The following COL14A1 variants were observed in gnomAD, a reference collection of about 807,000 sequenced individuals.
COL14A1 encodes collagen alpha-1(XIV) chain.
A neutral mutation model predicts 230.3 loss-of-function variants in COL14A1; 136 were observed. The observed-to-expected ratio is 0.59, with a 90% CI of 0.51 to 0.68. The LOEUF (loss-of-function observed/expected upper bound fraction) is 0.68, where lower values mean the gene tolerates loss of function less well. Among genes scored for constraint, COL14A1 ranks in the 30% least tolerant of loss-of-function variants. The pLI is 0.00. For missense variants in COL14A1, 1,976 were observed against 2,215.8 expected (o/e 0.89, Z 2.17); for synonymous variants, 792 against 784.1 (o/e 1.01, Z -0.17).
chr8:120,320,427 C>T (rs1821397753), intron 40 of COL14A1, among the ~76,000 whole-genome samples: 1 of 152,186 alleles, frequency 6.6e-6, no homozygotes, highest in African/African-American at 2.4e-5. Context: ...ACACCAGAAG[C>T]ATGCTTCTAG....
chr8:120,210,441 G>GT (rs1817585591), intron 12 of COL14A1, among the ~76,000 whole-genome samples: 1 of 152,174 alleles, frequency 6.6e-6, no homozygotes. Context: ...AATGTTATAT[G>GT]TTTTGCTTTA....
chr8:120,279,929 C>T lies in COL14A1; in HGVS notation c.3482-6C>T. 1 of 1,612,716 alleles carries T rather than the reference C, an allele frequency of 6.2e-7. No individual in the cohort carries two copies. The highest frequency in any genetic ancestry group is 8.5e-7 in the Non-Finnish European group (1 of 1,179,228). On this transcript the variant is annotated splice_region_variant and splice_polypyrimidine_tract_variant and intron_variant, in intron 28 of 47. Coordinates refer to ENST00000297848, the MANE Select transcript of COL14A1 (RefSeq NM_021110.4). The stretch of plus-strand genomic sequence containing the variant: ...TAATCGGAAATCTGTTCTCTGTCTG[C>T]CACAGGCTATAGCATTTTTGCAATT...
chr8:120,168,506 T>G (rs549769031), intron 5 of COL14A1, among the ~76,000 whole-genome samples: 3 of 152,220 alleles, frequency 2.0e-5, no homozygotes, highest in Non-Finnish European at 4.4e-5. Context: ...GCATACCTTT[T>G]CACTTGGAAA....
chr8:120,310,024 C>T lies in COL14A1; in HGVS notation c.4417C>T (p.Arg1473Ter). 4.3e-6 allele frequency: 7 copies of T among 1,613,732 alleles called. No homozygotes were observed. The highest frequency in any genetic ancestry group is 2.7e-5 in the African/African-American group (2 of 74,982). Residue 1473 changes from arginine (R) to a stop codon, truncating the protein, a stop_gained, in exon 37 of 48, where the codon CGA (arginine) becomes TGA (stop). Transcript: ENST00000297848. LOFTEE classifies it high-confidence loss of function. ...PAGPPGGPGL[R>*]GPKGQQGEPG... is the part of the protein sequence containing the mutation. Reference sequence around the variant, plus strand: ...TGTTTGCCAGGGTGGTCCAGGACTCCGAGGACCAAAGGGCCAGCAAGGTGA... The same window carrying T: ...TGTTTGCCAGGGTGGTCCAGGACTCTGAGGACCAAAGGGCCAGCAAGGTGA...
At chr8:120,361,960 C>T (rs1231216279) in intron 45 of COL14A1, among the ~76,000 whole-genome samples, 2 of 152,156 alleles carry the variant, frequency 1.3e-5, no homozygotes, top group South Asian at 2.1e-4. Flanking sequence ...TTGCTCAGGG[C>T]ACACAGCAAG....
intron 47 of COL14A1, chr8:120,370,317 T>C: frequency 1.9e-6 from 3 of 1,609,140 alleles, no homozygotes; most frequent in Non-Finnish European, 2.5e-6. Flanking sequence ...TTCTCTCAAA[T>C]ACTCCTATCC....
intron 24 of COL14A1, among the ~76,000 whole-genome samples, chr8:120,263,854 C>T (rs1819421255): frequency 6.6e-6 from 1 of 152,044 alleles, no homozygotes; most frequent in Non-Finnish European, 1.5e-5. Context: ...ATGTAACCTT[C>T]AAAAAGAGAG....
chr8:120,322,471 T>G (rs1821485566), intron 40 of COL14A1, among the ~76,000 whole-genome samples: 1 of 152,212 alleles, frequency 6.6e-6, no homozygotes. Context: ...GTTGTACAGA[T>G]TATTTCATCA....
chr8:120,339,424 G>T (rs778420777), intron 42 of COL14A1, among the ~76,000 whole-genome samples: 2 of 152,190 alleles, frequency 1.3e-5, no homozygotes, highest in African/African-American at 2.4e-5. Flanking sequence ...CTCTGTAGAG[G>T]TTGGAATCCT....
intron 1 of COL14A1, among the ~76,000 whole-genome samples, chr8:120,142,262 A>T (rs1018951424): frequency 1.3e-5 from 2 of 152,118 alleles, no homozygotes; most frequent in Non-Finnish European, 2.9e-5. Context: ...TGACTGGCAG[A>T]TTTACTGAAT....
In COL14A1 at chr8:120,281,077, G is replaced by T; in HGVS notation, c.3824+18G>T. On this transcript the variant is annotated intron_variant, in intron 31 of 47. Transcript: ENST00000297848. ...CCAACCAGGTATGTTTCTGTTGAAA[G>T]ATTTTAAAGTCATCGTATGTTTATT... 3.8e-6 allele frequency: 6 copies of T among 1,594,742 alleles called. No homozygotes were observed. The highest frequency in any genetic ancestry group is 4.3e-6 in the Non-Finnish European group (5 of 1,173,162).
At chr8:120,183,151 TGGG>T (rs1216739240) in intron 5 of COL14A1, among the ~76,000 whole-genome samples, 1 of 151,992 alleles carries the variant, frequency 6.6e-6, no homozygotes, top group Non-Finnish European at 1.5e-5. Context: ...TTACAGGAGA[TGGG>T]GGAATAAAAA....
intron 1 of COL14A1, among the ~76,000 whole-genome samples, chr8:120,136,230 A>G (rs914836964): frequency 2.0e-5 from 3 of 152,162 alleles, no homozygotes; most frequent in Non-Finnish European, 4.4e-5. Context: ...GTGTGATACT[A>G]GCTATGGAGT....
At chr8:120,356,755 T>C (rs1823002930) in intron 45 of COL14A1, among the ~76,000 whole-genome samples, 1 of 152,084 alleles carries the variant, frequency 6.6e-6, no homozygotes, top group African/African-American at 2.4e-5. Flanking sequence ...CTGAAATACA[T>C]GTTGCCTTCT....
intron 45 of COL14A1, among the ~76,000 whole-genome samples, chr8:120,361,490 T>C (rs1481988124): frequency 6.6e-6 from 1 of 152,126 alleles, no homozygotes; most frequent in Admixed American, 6.5e-5. Context: ...TTAACTCCAA[T>C]TAATCTGCCT....
intron 19 of COL14A1, among the ~76,000 whole-genome samples, chr8:120,233,834 G>GT: frequency 6.6e-6 from 1 of 152,154 alleles, no homozygotes; most frequent in East Asian, 1.9e-4. Flanking sequence ...ATTTAAAGTA[G>GT]TTTTTTCTAA....
At chr8:120,257,566 T>G (rs925311901) in intron 23 of COL14A1, among the ~76,000 whole-genome samples, 1 of 152,214 alleles carries the variant, frequency 6.6e-6, no homozygotes, top group Non-Finnish European at 1.5e-5. Flanking sequence ...TTTCATTATC[T>G]TATAGGGGAA....
rs1240114958 is a variant in COL14A1 at position 120,270,133 on chromosome 8, A to G, written c.3172A>G (p.Thr1058Ala). 1 of 1,611,362 alleles carries G rather than the reference A, an allele frequency of 6.2e-7. No individual in the cohort carries two copies. Among genetic ancestry groups the G allele is most frequent in the Non-Finnish European group, 8.5e-7 (1 of 1,178,316 alleles). ...FNKIISFLYSTVGALNKIGTD... is the reference protein window; with the variant it reads ...FNKIISFLYSAVGALNKIGTD... ...TAAGATCATCAGCTTTCTATACAGC[A>G]CTGTTGGAGCCCTGAACAAGATTGG... is the stretch of plus-strand genomic sequence containing the variant. Residue 1058 changes from threonine to alanine, a missense_variant, in exon 26 of 48, where the codon ACT becomes GCT. Physicochemically the swap from Thr to Ala is moderately conservative, Grantham distance 58. Transcript: ENST00000297848.
At position 120,253,911 on chromosome 8, in the gene COL14A1, C is replaced by T. The variant is rs113703593; in HGVS notation, c.2753-1329C>T. 1.0e-2 allele frequency among the ~76,000 whole-genome samples: 1,520 copies of T among 152,114 alleles called. 27 individuals carry two copies. Among genetic ancestry groups the T allele is most frequent in the African/African-American group, 0.034 (1,393 of 41,498 alleles). On this transcript the variant is annotated intron_variant, in intron 22 of 47. Coordinates refer to ENST00000297848, the MANE Select transcript of COL14A1 (RefSeq NM_021110.4). The stretch of plus-strand genomic sequence containing the variant: ...TGCACTCCAGCCAGGGTGACAAGAG[C>T]GAGACTCCATCTCAAAAAACAAAAC...
Sources: allele counts gnomAD v4.1 joint callset (sites outside exome capture counted in the v4.1 genomes callset), GRCh38; gene constraint gnomAD v4.1.1; transcripts MANE v1.5; gene names NCBI Gene and HGNC (gene_info 2026-07-23, HGNC 2026-07-21).